The following PYGB variants were observed in gnomAD, a reference collection of about 807,000 sequenced individuals.
PYGB encodes the protein glycogen phosphorylase, brain form.
Under a neutral mutation model 94.3 loss-of-function variants are expected in PYGB, and 82 were observed. The observed-to-expected ratio is 0.87, with a 90% CI of 0.73 to 1.04. The LOEUF (loss-of-function observed/expected upper bound fraction) is 1.04, where lower values mean the gene tolerates loss of function less well. Among genes scored for constraint, PYGB ranks in the 50% least tolerant of loss-of-function variants. The pLI, the probability that PYGB is intolerant of heterozygous loss-of-function variation, is 0.00. For missense variants in PYGB, 1,132 were observed against 1,158.2 expected (o/e 0.98, Z 0.33); for synonymous variants, 488 against 479.1 (o/e 1.02, Z -0.24).
rs777832234 is a variant in PYGB at position 25,248,300 on chromosome 20, T to G, written c.122T>G (p.Val41Gly). ...AACCGGCACTTGCACTTCACGCTGG[T>G]CAAGGACCGCAATGTGGCCACGCCC... ...SFNRHLHFTL[V>G]KDRNVATPRD... Residue 41 changes from valine to glycine, a missense_variant, in exon 1 of 20, where the codon GTC becomes GGC. Val to Gly is a moderately radical substitution (Grantham distance 109). Coordinates refer to ENST00000216962, the MANE Select transcript of PYGB (RefSeq NM_002862.4). The G allele has an allele frequency of 1.9e-6, 3 of 1,604,966 alleles. No homozygotes were observed. Among genetic ancestry groups the G allele is most frequent in the South Asian group, 1.1e-5 (1 of 89,642 alleles).
At chr20:25,279,486 C>T (rs553229406) in intron 9 of PYGB, among the ~76,000 whole-genome samples, 3 of 152,226 alleles carry the variant, frequency 2.0e-5, no homozygotes, top group South Asian at 2.1e-4. Context: ...CACCTGCCCT[C>T]GCGATTCAGT....
At chr20:25,288,337 C>T (rs544513951) in intron 14 of PYGB, 88 bp from the exon 15 acceptor site, 341 of 1,442,910 alleles carry the variant, frequency 2.4e-4, no homozygotes, top group Non-Finnish European at 3.1e-4. Flanking sequence ...TGTCCTGCCT[C>T]AGGGTCGGCC....
chr20:25,295,537 CT>C, intron 18 of PYGB, 66 bp from the exon 19 acceptor site: 2 of 1,528,058 alleles, frequency 1.3e-6, no homozygotes, highest in Non-Finnish European at 1.8e-6. Context: ...CCCTGGGACT[CT>C]CCCCTCGGGA....
intron 4 of PYGB, among the ~76,000 whole-genome samples, chr20:25,273,521 A>G (rs536628090): frequency 1.3e-5 from 2 of 152,336 alleles, no homozygotes; most frequent in African/African-American, 2.4e-5. Context: ...ATCTCATTTC[A>G]GTTTTAGTAA....
At chr20:25,275,893 T>TGCGG (rs1385044216) in intron 5 of PYGB, among the ~76,000 whole-genome samples, 30 of 152,162 alleles carry the variant, frequency 2.0e-4, no homozygotes, top group Non-Finnish European at 3.8e-4. Context: ...GTGGCCCCGG[T>TGCGG]GCGCCGCCTG....
At chr20:25,290,431 G>T in intron 15 of PYGB, 50 bp from the exon 16 acceptor site, 1 of 1,588,832 alleles carries the variant, frequency 6.3e-7, no homozygotes, top group Non-Finnish European at 8.6e-7. Context: ...CGCCTCCAAG[G>T]GCCTGAACAA....
intron 14 of PYGB, among the ~76,000 whole-genome samples, chr20:25,287,768 G>A (rs946530658): frequency 1.3e-5 from 2 of 152,136 alleles, no homozygotes; most frequent in South Asian, 2.1e-4. Flanking sequence ...TTGCTTGAGC[G>A]TGGGAGTTTG....
chr20:25,261,295 G>A (rs1407339521), intron 2 of PYGB, among the ~76,000 whole-genome samples: 1 of 152,184 alleles, frequency 6.6e-6, no homozygotes, highest in East Asian at 1.9e-4. Context: ...CCAGAGGAAC[G>A]ATCAGGCAGC....
chr20:25,271,665 C>T (rs1428818647), intron 4 of PYGB, among the ~76,000 whole-genome samples, 179 bp downstream of exon 4: 2 of 152,196 alleles, frequency 1.3e-5, no homozygotes, highest in East Asian at 1.9e-4. Context: ...TCCACATGGC[C>T]TGGGAGAGCC....
intron 4 of PYGB, among the ~76,000 whole-genome samples, chr20:25,271,912 C>T (rs2088271636): frequency 6.6e-6 from 1 of 152,210 alleles, no homozygotes. Context: ...GCAGTTGTAG[C>T]TTTTGCTCCC....
At chr20:25,277,187 T>G in intron 6 of PYGB, 57 bp from the exon 7 acceptor site, 1 of 1,387,178 alleles carries the variant, frequency 7.2e-7, no homozygotes, top group Middle Eastern at 1.8e-4. Flanking sequence ...CCCTGAGCGG[T>G]TGCAGTGCTG....
At chr20:25,249,363 G>A (rs1481098152) in intron 1 of PYGB, among the ~76,000 whole-genome samples, 3 of 152,192 alleles carry the variant, frequency 2.0e-5, no homozygotes, top group Admixed American at 1.3e-4. Flanking sequence ...ACAGCCCCCT[G>A]TTGCCAGTTT....
chr20:25,249,282 C>A (rs1319657820), intron 1 of PYGB, among the ~76,000 whole-genome samples: 2 of 152,210 alleles, frequency 1.3e-5, no homozygotes, highest in Non-Finnish European at 1.5e-5. Context: ...AACTTTTTCA[C>A]TGATAAACAG....
At chr20:25,278,504 G>A (rs1388873369) in intron 8 of PYGB, 42 bp downstream of exon 8, 3 of 1,607,116 alleles carry the variant, frequency 1.9e-6, no homozygotes. Context: ...CCAGGGGCTG[G>A]GCGCCTTCAG....
chr20:25,296,060 T>C (rs2088538169), intron 19 of PYGB, among the ~76,000 whole-genome samples: 1 of 152,188 alleles, frequency 6.6e-6, no homozygotes, highest in Non-Finnish European at 1.5e-5. Flanking sequence ...CCCCTGGCAC[T>C]GGATCTGCCT....
rs746739627 is a variant in PYGB at position 25,288,535 on chromosome 20, G to A, written c.1827+52G>A. The A allele has an allele frequency of 7.6e-6, 12 of 1,587,704 alleles. No individual in the cohort carries two copies. In the Admixed American group the frequency reaches 1.9e-4, roughly 25 times the overall value. ...CTGTGGTGTTTGGTCTGGGGATAGT[G>A]GGTGGGCAGCCTGCACGCTTCTCAT... is the stretch of plus-strand genomic sequence containing the variant. On this transcript the variant is annotated intron_variant, in intron 15 of 19. Coordinates refer to ENST00000216962, the MANE Select transcript of PYGB (RefSeq NM_002862.4).
In PYGB at chr20:25,259,231, C is replaced by T; in HGVS notation, c.244-6C>T. 2 of 1,578,374 alleles carry T rather than the reference C, an allele frequency of 1.3e-6. No homozygotes were observed. Among genetic ancestry groups the T allele is most frequent in the South Asian group, 1.1e-5 (1 of 90,284 alleles). ...AGAAATCTTATTCTTTCTTCTGCTT[C>T]CTCAGCGCATTTATTATCTTTCCCT... On this transcript the variant is annotated splice_polypyrimidine_tract_variant and splice_region_variant and intron_variant, in intron 1 of 19. Transcript: ENST00000216962.
Position 25,270,197 on chromosome 20 carries a change from T to TTTG in PYGB, c.424+992_424+993insGTT, listed in dbSNP as rs1555806370. ...TTTTTTAATCCTGAAGTTTTTTTTG[T>TTTG]TTTGTTTTGTTTTTTTTTTTTTTGA... On this transcript the variant is annotated intron_variant, in intron 3 of 19. Transcript: ENST00000216962. Among the ~76,000 whole-genome samples, 121 of 131,006 alleles carry TTTG rather than the reference T, an allele frequency of 9.2e-4. 2 individuals carry two copies. Among genetic ancestry groups the TTTG allele is most frequent in the African/African-American group, 4.0e-3 (107 of 26,894 alleles). The allele number at this position is 131,006 out of a possible 152,430, so 85.9% of individuals were successfully genotyped here. A position where few individuals can be genotyped will look rare whatever the true frequency, so the allele number is the denominator to read the frequency against.
intron 15 of PYGB, chr20:25,289,787 A>G (rs753931967): frequency 7.9e-5 from 42 of 531,850 alleles, no homozygotes; most frequent in Middle Eastern, 3.2e-4. Context: ...TCACTCTTAC[A>G]TACGTCAGCA....
Sources: allele counts gnomAD v4.1 joint callset (sites outside exome capture counted in the v4.1 genomes callset), GRCh38; gene constraint gnomAD v4.1.1; transcripts MANE v1.5; gene names NCBI Gene and HGNC (gene_info 2026-07-23, HGNC 2026-07-21).